ABCC2: variants seen among roughly 807,000 people sequenced by gnomAD.
ABCC2 encodes the protein ATP-binding cassette sub-family C member 2.
In ABCC2, 157 loss-of-function variants were observed where a neutral mutation model predicts 173.4. That is an observed-to-expected ratio of 0.91 (90% CI 0.80 to 1.03). The LOEUF (loss-of-function observed/expected upper bound fraction) is 1.03, where lower values mean the gene tolerates loss of function less well. Ranked by LOEUF, ABCC2 falls within the 50% of genes least tolerant of loss-of-function variation. The pLI is 0.00. For synonymous variants in ABCC2, 657 were observed against 693.5 expected (o/e 0.95, Z 0.83); for missense variants, 1,822 against 1,852.3 (o/e 0.98, Z 0.30).
intron 9 of ABCC2, among the ~76,000 whole-genome samples, chr10:99,802,049 C>T (rs1313107356): frequency 6.6e-6 from 1 of 152,212 alleles, no homozygotes; most frequent in Non-Finnish European, 1.5e-5. Context: ...CACTAACCAG[C>T]CTGTCTCAGC....
chr10:99,836,084 T>G lies in ABCC2; in HGVS notation c.3415-7T>G. 6.2e-7 allele frequency: 1 copy of G among 1,612,948 alleles called. No individual in the cohort carries two copies. ...GGACTGGCTGATTCTTTACTTTTTG[T>G]GTCCAGATGTTTTATGTGTCTACCT... On this transcript the variant is annotated splice_region_variant and splice_polypyrimidine_tract_variant and intron_variant, in intron 24 of 31. Transcript: ENST00000647814.
intron 7 of ABCC2, 21 bp from the exon 8 acceptor site, chr10:99,799,186 G>A (rs751924435): frequency 6.2e-7 from 1 of 1,613,588 alleles, no homozygotes; most frequent in Non-Finnish European, 8.5e-7. Flanking sequence ...TGTGGACACT[G>A]TTGTTTGGTT....
At chr10:99,845,994 C>T (rs2039011134) in intron 29 of ABCC2, among the ~76,000 whole-genome samples, 1 of 152,214 alleles carries the variant, frequency 6.6e-6, no homozygotes, top group Admixed American at 6.5e-5. Context: ...TATCTGACCA[C>T]TAGGTGGCAG....
intron 6 of ABCC2, among the ~76,000 whole-genome samples, chr10:99,794,857 A>T (rs1455868254): frequency 2.6e-5 from 4 of 152,116 alleles, no homozygotes; most frequent in Admixed American, 6.6e-5. Flanking sequence ...TTAATTTTTT[A>T]AAAATGCCTC....
chr10:99,798,491 G>A (rs913968731), intron 7 of ABCC2, among the ~76,000 whole-genome samples: 1 of 152,180 alleles, frequency 6.6e-6, no homozygotes, highest in African/African-American at 2.4e-5. Context: ...CCCCAGCTCA[G>A]GAGGCCAGAA....
rs1183681693 is a variant in ABCC2 at position 99,850,935 on chromosome 10, CAAGT to C, written c.4508+142_4508+145del. On this transcript the variant is annotated intron_variant, in intron 31 of 31. Transcript: ENST00000647814. ...TGAAGAAACTGAGACTTAGAGATGT[CAAGT>C]AATCTGGCCAAAATTTTACATCACG... The C allele has an allele frequency of 9.6e-6, 11 of 1,144,916 alleles. No homozygotes were observed. In the African/African-American group the frequency reaches 1.5e-4, roughly 16 times the overall value. 70.9% of individuals were successfully genotyped at this position (1,144,916 alleles called of 1,614,324 possible). A position where few individuals can be genotyped will look rare whatever the true frequency, so the allele number is the denominator to read the frequency against.
intron 14 of ABCC2, among the ~76,000 whole-genome samples, 176 bp downstream of exon 14, chr10:99,810,394 A>G (rs1019012413): frequency 1.3e-5 from 2 of 152,230 alleles, no homozygotes; most frequent in African/African-American, 4.8e-5. Flanking sequence ...CTTAGAGCAG[A>G]TTGCTCAACT....
intron 25 of ABCC2, among the ~76,000 whole-genome samples, chr10:99,840,395 T>G (rs1409701672): frequency 1.4e-5 from 2 of 145,416 alleles, no homozygotes; most frequent in Non-Finnish European, 3.1e-5. Context: ...GCGGCCACCA[T>G]GGCCGGACGG....
chr10:99,789,824 T>C (rs2037784252), intron 2 of ABCC2, among the ~76,000 whole-genome samples: 2 of 151,672 alleles, frequency 1.3e-5, no homozygotes, highest in Admixed American at 6.6e-5. Context: ...AGTATCTAGG[T>C]AGAATATCTT....
chr10:99,836,205 G>A lies in ABCC2; in HGVS notation c.3529G>A (p.Glu1177Lys), dbSNP rs948576355. ...VSGLPVIRAF[E>K]HQQRFLKHNE... is the part of the protein sequence containing the mutation. ...AGGTTTGCCAGTTATCCGTGCCTTT[G>A]AGCACCAGCAGCGATTTCTGAAACA... Residue 1177 changes from glutamate (E) to lysine (K), a missense_variant, in exon 25 of 32, where the codon GAG becomes AAG. By Grantham distance (56) the Glu-to-Lys change is moderately conservative. Transcript: ENST00000647814. 6.2e-7 allele frequency: 1 copy of A among 1,614,082 alleles called. No homozygotes were observed. Among genetic ancestry groups the A allele is most frequent in the African/African-American group, 1.3e-5 (1 of 74,930 alleles).
At chr10:99,795,751 GAAAGAAA>G (rs2037894491) in intron 6 of ABCC2, among the ~76,000 whole-genome samples, 1 of 108,906 alleles carries the variant, frequency 9.2e-6, no homozygotes, top group African/African-American at 3.9e-5. Context: ...AAGAAAGAAA[GAAAGAAA>G]GAAAGAAAGA....
rs1003714237 is a variant in ABCC2 at position 99,783,687 on chromosome 10, G to T, written c.33+810G>T. Among the ~76,000 whole-genome samples, 7 of 152,218 alleles carry T rather than the reference G, an allele frequency of 4.6e-5. No individual in the cohort carries two copies. The East Asian group carries it at 1.4e-3, about 29-fold the overall frequency. On this transcript the variant is annotated intron_variant, in intron 1 of 31. Coordinates refer to ENST00000647814, the MANE Select transcript of ABCC2 (RefSeq NM_000392.5). ...ATAACCTTATATAGAGGTGAGAGGG[G>T]CAGGGATGAGATAGCAGAGCACCTG... is the stretch of plus-strand genomic sequence containing the variant.
Position 99,842,012 on chromosome 10 carries a change from C to A in ABCC2, c.3660C>A (p.Phe1220Leu). 6.2e-7 allele frequency: 1 copy of A among 1,614,194 alleles called. No individual in the cohort carries two copies. The highest frequency in any genetic ancestry group is 8.5e-7 in the Non-Finnish European group (1 of 1,180,028). ...AGCTGGTTGGGAACCTGACTGTCTT[C>A]TTTTCAGCCTTGATGATGGTTATTT... ...RLELVGNLTV[F>L]FSALMMVIYR... The change falls in exon 26 of 32, where the codon TTC becomes TTA. Residue 1220 changes from phenylalanine (F) to leucine (L), a missense_variant. Phe to Leu is a conservative substitution (Grantham distance 22). Transcript: ENST00000647814.
At position 99,797,158 on chromosome 10, in the gene ABCC2, GA is replaced by G; in HGVS notation, c.695del (p.Glu232GlyfsTer2). ...TLEDVWEVDEEMKTKTLVSKF... is the reference protein window; with the variant it reads ...TLEDVWEVDEXMKTKTLVSKF... Reference sequence around the variant, plus strand: ...CGAGGATGTCTGGGAAGTTGATGAAGAGATGAAAACCAAGACATTAGTGAGC... The same window carrying G: ...CGAGGATGTCTGGGAAGTTGATGAAGGATGAAAACCAAGACATTAGTGAGC... On this transcript the variant is annotated frameshift_variant, in exon 7 of 32. Coordinates refer to ENST00000647814, the MANE Select transcript of ABCC2 (RefSeq NM_000392.5). LOFTEE classifies it high-confidence loss of function. 6.2e-7 allele frequency: 1 copy of G among 1,614,172 alleles called. No homozygotes were observed. The highest frequency in any genetic ancestry group is 8.5e-7 in the Non-Finnish European group (1 of 1,180,018).
intron 17 of ABCC2, among the ~76,000 whole-genome samples, chr10:99,818,444 A>G (rs1406414855): frequency 6.6e-6 from 1 of 152,156 alleles, no homozygotes; most frequent in East Asian, 1.9e-4. Context: ...TAATTAGCAT[A>G]CGCTTATTGA....
In ABCC2 at chr10:99,818,788, A is replaced by C; in HGVS notation, c.2272-2A>C. 1 of 1,614,052 alleles carries C rather than the reference A, an allele frequency of 6.2e-7. No individual in the cohort carries two copies. Among genetic ancestry groups the C allele is most frequent in the Non-Finnish European group, 8.5e-7 (1 of 1,180,010 alleles). On this transcript the variant is annotated splice_acceptor_variant, in intron 17 of 31. Transcript: ENST00000647814. LOFTEE classifies it high-confidence loss of function. ...CTTAATATGAATTATTTTCTTCTTC[A>C]GGGTATAAATCTTAGTGGGGGTCAG... is the stretch of plus-strand genomic sequence containing the variant.
intron 16 of ABCC2, among the ~76,000 whole-genome samples, chr10:99,815,647 T>G (rs1460973837): frequency 6.6e-6 from 1 of 152,200 alleles, no homozygotes; most frequent in Non-Finnish European, 1.5e-5. Context: ...TCTATAGATT[T>G]TCAGCTTTTT....
At chr10:99,849,231 G>A (rs1383633382) in intron 30 of ABCC2, among the ~76,000 whole-genome samples, 3 of 152,146 alleles carry the variant, frequency 2.0e-5, no homozygotes, top group East Asian at 1.9e-4. Context: ...ACTCCGTCTC[G>A]AAAATATATG....
Position 99,829,269 on chromosome 10 carries a change from T to C in ABCC2, c.2621-1038T>C, listed in dbSNP as rs562774100. Among the ~76,000 whole-genome samples the C allele has an allele frequency of 2.6e-5, 4 of 152,206 alleles. No individual in the cohort carries two copies. In the South Asian group the frequency reaches 8.3e-4, roughly 32 times the overall value. On this transcript the variant is annotated intron_variant, in intron 19 of 31. Transcript: ENST00000647814. ...CTGCTGGTTTTCATGGCTGCTATGA[T>C]TGTATGGCTGTTAGTTTTCTAGGTT...
Sources: gnomAD v4.1 joint callset for allele counts (sites outside exome capture counted in the v4.1 genomes callset) on GRCh38, gnomAD v4.1.1 for gene constraint, MANE v1.5 for transcripts, NCBI Gene and HGNC (gene_info 2026-07-23, HGNC 2026-07-21) for gene names.